The following ZBTB20 variants were observed in gnomAD, a reference collection of about 807,000 sequenced individuals.
ZBTB20 encodes the protein zinc finger and BTB domain-containing protein 20.
In ZBTB20, 9 loss-of-function variants were observed where a neutral mutation model predicts 56.9. The observed-to-expected ratio is 0.16, with a 90% CI of 0.10 to 0.28. The LOEUF (loss-of-function observed/expected upper bound fraction) is 0.28, where lower values mean the gene tolerates loss of function less well. ZBTB20 is among the 10% of genes least tolerant of loss of function. The probability of loss-of-function intolerance (pLI) is 1.00; values close to 1 mark genes in which losing one functional copy is unlikely to be tolerated. For missense variants in ZBTB20, 655 were observed against 1,003.0 expected, an observed-to-expected ratio of 0.65 and a Z score of 4.69; for synonymous variants, 417 against 420.7, an observed-to-expected ratio of 0.99 and a Z score of 0.11.
chr3:114,604,367 C>A (rs2056983779), intron 6 of ZBTB20, among the ~76,000 whole-genome samples: 1 of 149,516 alleles, frequency 6.7e-6, no homozygotes. Context: ...GAAAGTTACA[C>A]AAAAAAAATA....
chr3:115,089,509 A>C (rs1355583678), intron 1 of ZBTB20, among the ~76,000 whole-genome samples: 1 of 151,904 alleles, frequency 6.6e-6, no homozygotes, highest in African/African-American at 2.4e-5. Context: ...TACATGGTCT[A>C]AGCAACAATT....
At chr3:114,694,035 T>A (rs538383769) in intron 5 of ZBTB20, among the ~76,000 whole-genome samples, 1 of 152,264 alleles carries the variant, frequency 6.6e-6, no homozygotes, top group South Asian at 2.1e-4. Flanking sequence ...GTTATTTGTG[T>A]TATAAATATT....
intron 6 of ZBTB20, among the ~76,000 whole-genome samples, chr3:114,641,678 T>C (rs2059570993): frequency 1.3e-5 from 2 of 151,862 alleles, no homozygotes; most frequent in Admixed American, 1.3e-4. Flanking sequence ...TCTATAGACA[T>C]GTTCCTCTTT....
At chr3:114,816,703 T>G (rs145377161) in intron 4 of ZBTB20, among the ~76,000 whole-genome samples, 1,754 of 152,296 alleles carry the variant, frequency 0.012, 15 homozygotes, top group South Asian at 0.042. Flanking sequence ...AGATGATAAC[T>G]TCGCCATTCA....
At chr3:114,425,690 T>C (rs1177992880) in intron 7 of ZBTB20, among the ~76,000 whole-genome samples, 1 of 152,202 alleles carries the variant, frequency 6.6e-6, no homozygotes, top group African/African-American at 2.4e-5. Flanking sequence ...TCATCCATCT[T>C]TTCTCATAAT....
At position 114,494,436 on chromosome 3, in the gene ZBTB20, C is replaced by G. The variant is rs188401863; in HGVS notation, c.-255+5916G>C. Among the ~76,000 whole-genome samples the G allele has an allele frequency of 1.2e-4, 18 of 152,274 alleles. No homozygotes were observed. In the South Asian group the frequency reaches 1.2e-3, roughly 11 times the overall value. On this transcript the variant is annotated intron_variant, in intron 7 of 11. Transcript: ENST00000675478. Reference sequence around the variant, plus strand: ...GTACTTCCTCCTCTTGTTTTCCAGTCTATGGATGTCAGTGTGGGTAAGAAT... The same window carrying G: ...GTACTTCCTCCTCTTGTTTTCCAGTGTATGGATGTCAGTGTGGGTAAGAAT...
At chr3:114,647,747 T>C (rs1321307936) in intron 6 of ZBTB20, among the ~76,000 whole-genome samples, 1 of 152,148 alleles carries the variant, frequency 6.6e-6, no homozygotes, top group Non-Finnish European at 1.5e-5. Flanking sequence ...ATCTCTCTAA[T>C]TGGATTTGGC....
At chr3:114,991,932 C>T (rs1321887291) in intron 2 of ZBTB20, among the ~76,000 whole-genome samples, 2 of 152,040 alleles carry the variant, frequency 1.3e-5, no homozygotes, top group Non-Finnish European at 2.9e-5. Context: ...GCAACCACTG[C>T]CTTTTTTTGT....
At chr3:114,580,231 A>T (rs1354735089) in intron 6 of ZBTB20, among the ~76,000 whole-genome samples, 1 of 151,698 alleles carries the variant, frequency 6.6e-6, no homozygotes, top group African/African-American at 2.4e-5. Context: ...ATCTTATAAA[A>T]TATTAACATA....
At chr3:114,525,861 T>C (rs1189358488) in intron 6 of ZBTB20, among the ~76,000 whole-genome samples, 1 of 152,220 alleles carries the variant, frequency 6.6e-6, no homozygotes, top group Admixed American at 6.5e-5. Context: ...CTTCCTGCTC[T>C]ATGATACTGT....
chr3:114,731,211 A>G (rs1024122210), intron 5 of ZBTB20, among the ~76,000 whole-genome samples: 5 of 152,122 alleles, frequency 3.3e-5, no homozygotes, highest in Non-Finnish European at 5.9e-5. Flanking sequence ...GGTTCCCTTA[A>G]CCATTGCTCA....
At chr3:114,399,202 C>T (rs1022168962) in intron 7 of ZBTB20, among the ~76,000 whole-genome samples, 4 of 152,094 alleles carry the variant, frequency 2.6e-5, no homozygotes, top group African/African-American at 9.7e-5. Context: ...GTATAGCTTT[C>T]TTTCTTAAAA....
chr3:115,034,093 C>A (rs1188350971), intron 2 of ZBTB20, among the ~76,000 whole-genome samples: 1 of 151,482 alleles, frequency 6.6e-6, no homozygotes. Context: ...AAGTAAAAAA[C>A]CCTAACATAA....
chr3:114,544,174 T>A (rs1327647014), intron 6 of ZBTB20, among the ~76,000 whole-genome samples: 1 of 152,186 alleles, frequency 6.6e-6, no homozygotes, highest in East Asian at 1.9e-4. Flanking sequence ...GCAGTGACCA[T>A]TTAAGTTTAA....
intron 10 of ZBTB20, among the ~76,000 whole-genome samples, chr3:114,354,194 T>G (rs551967821): frequency 5.3e-5 from 8 of 152,354 alleles, no homozygotes; most frequent in African/African-American, 1.9e-4. Flanking sequence ...GACAACTAAC[T>G]GGCACTATGG....
chr3:114,855,513 C>A (rs925623879), intron 4 of ZBTB20, among the ~76,000 whole-genome samples: 1 of 151,948 alleles, frequency 6.6e-6, no homozygotes, highest in African/African-American at 2.4e-5. Flanking sequence ...TCTTTATGTT[C>A]AAAATAAATA....
chr3:114,499,746 C>T (rs1004638381), intron 7 of ZBTB20, among the ~76,000 whole-genome samples: 4 of 151,780 alleles, frequency 2.6e-5, no homozygotes, highest in Admixed American at 6.6e-5. Context: ...TTTTTCCCCC[C>T]GAATACCTTT....
At chr3:114,921,545 CA>C (rs1236306756) in intron 3 of ZBTB20, among the ~76,000 whole-genome samples, 1 of 152,074 alleles carries the variant, frequency 6.6e-6, no homozygotes, top group East Asian at 1.9e-4. Context: ...TCAAGGCCAG[CA>C]TTGCCCTCAT....
chr3:114,844,802 C>A (rs894324146), intron 4 of ZBTB20, among the ~76,000 whole-genome samples: 5 of 148,904 alleles, frequency 3.4e-5, no homozygotes, highest in African/African-American at 1.2e-4. Flanking sequence ...CTTCTTCTAA[C>A]AATGATTGAT....
Sources: gnomAD v4.1 joint callset for allele counts (sites outside exome capture counted in the v4.1 genomes callset) on GRCh38, gnomAD v4.1.1 for gene constraint, MANE v1.5 for transcripts, NCBI Gene and HGNC (gene_info 2026-07-23, HGNC 2026-07-21) for gene names.